Variants in TBC1D2B observed in about 807,000 individuals in gnomAD.
TBC1D2B encodes the protein TBC1 domain family member 2B, also known as TBC1 domain family, member 2B.
TBC1D2B carries 64 observed loss-of-function variants against 100.8 expected under a neutral mutation model. That is an observed-to-expected ratio of 0.64 (90% CI 0.52 to 0.78). The LOEUF (loss-of-function observed/expected upper bound fraction) is 0.78. TBC1D2B is among the 30% of genes least tolerant of loss of function. The pLI is 0.00. For synonymous variants in TBC1D2B, 480 were observed against 479.7 expected, an observed-to-expected ratio of 1.00 and a Z score of -0.01; for missense variants, 1,052 against 1,218.4, an observed-to-expected ratio of 0.86 and a Z score of 2.03.
intron 4 of TBC1D2B, among the ~76,000 whole-genome samples, chr15:78,027,705 C>T (rs2072706495): frequency 6.6e-6 from 1 of 152,272 alleles, no homozygotes; most frequent in African/African-American, 2.4e-5. Context: ...CTCCCCAGTC[C>T]TGCTCACATT....
At chr15:78,017,312 C>T (rs1261548073) in intron 7 of TBC1D2B, 1 of 153,674 alleles carries the variant, frequency 6.5e-6, no homozygotes, top group Non-Finnish European at 1.4e-5. Flanking sequence ...TTTGTGGTCC[C>T]ATTACACTTT....
At chr15:78,042,736 C>G (rs1229292260) in intron 3 of TBC1D2B, among the ~76,000 whole-genome samples, 2 of 152,108 alleles carry the variant, frequency 1.3e-5, no homozygotes, top group African/African-American at 4.8e-5. Context: ...ACAGAATGGC[C>G]GGAACACAGA....
intron 1 of TBC1D2B, among the ~76,000 whole-genome samples, chr15:78,067,484 C>G (rs939571244): frequency 6.6e-6 from 1 of 152,224 alleles, no homozygotes; most frequent in Non-Finnish European, 1.5e-5. Flanking sequence ...CACCAGAGAG[C>G]TGGAGAGGAA....
intron 6 of TBC1D2B, among the ~76,000 whole-genome samples, chr15:78,022,937 C>T (rs1331181778): frequency 1.3e-5 from 2 of 152,096 alleles, no homozygotes; most frequent in Non-Finnish European, 2.9e-5. Flanking sequence ...ATTCATAAAT[C>T]CTCTGGGCCT....
Position 78,044,927 on chromosome 15 carries a change from G to C in TBC1D2B, c.656C>G (p.Ser219Cys), listed in dbSNP as rs1410988581. Residue 219 changes from serine (S) to cysteine (C), a missense_variant, in exon 3 of 13, where the codon TCT becomes TGT. Physicochemically the swap from Ser to Cys is moderately radical, Grantham distance 112. Around this residue, in one of 4 missense-constraint regions of TBC1D2B, gnomAD observed 627 missense variants for 646.1 expected, o/e 0.97. Coordinates refer to ENST00000300584, the MANE Select transcript of TBC1D2B (RefSeq NM_144572.2). ...PGHPNSINFY[S>C]LKQWGNELKN... ...GAGCTCATTGCCCCACTGTTTCAAA[G>C]AGTAAAAATTAATGGAATTTGGATG... 1.2e-6 allele frequency: 2 copies of C among 1,612,910 alleles called. No homozygotes were observed. The highest frequency in any genetic ancestry group is 1.7e-6 in the Non-Finnish European group (2 of 1,179,344).
chr15:78,049,068 T>C (rs1169019449), intron 2 of TBC1D2B, among the ~76,000 whole-genome samples: 1 of 152,200 alleles, frequency 6.6e-6, no homozygotes, highest in Admixed American at 6.5e-5. Flanking sequence ...TTTTTATTTA[T>C]CAATGTGAGT....
In TBC1D2B at chr15:78,054,056, A is replaced by C; in HGVS notation, c.492T>G (p.Gly164=). The C allele has an allele frequency of 6.2e-7, 1 of 1,613,290 alleles. No individual in the cohort carries two copies. Among genetic ancestry groups the C allele is most frequent in the Non-Finnish European group, 8.5e-7 (1 of 1,179,630 alleles). Residue 164 remains glycine (G), a synonymous_variant, in exon 2 of 13, where the codon GGT becomes GGG. Transcript: ENST00000300584. ...TSPTPGDFPK[G]LVARDNTDLI... ...TACCAGTGTTATCTCTGGCTACAAG[A>C]CCCTTAGGAAAATCCCCGGGAGTTG...
intron 6 of TBC1D2B, among the ~76,000 whole-genome samples, 185 bp from the exon 7 acceptor site, chr15:78,018,142 T>C (rs1299793027): frequency 6.6e-6 from 1 of 152,242 alleles, no homozygotes; most frequent in Non-Finnish European, 1.5e-5. Flanking sequence ...TTTACAGTAG[T>C]AGAAGGCAGG....
In TBC1D2B at chr15:78,003,346, G is replaced by C; in HGVS notation, c.2533C>G (p.Leu845Val). ...AGGAAAGAGTCCCATATTTTAAAGA[G>C]GATGTCACTAACGACACTATCCACA... is the stretch of plus-strand genomic sequence containing the variant. ...VFVDSVVSDI[L>V]FKIWDSFLYE... is the part of the protein sequence containing the mutation. The change falls in exon 11 of 13, where the codon CTC (leucine) becomes GTC (valine). Residue 845 changes from leucine (L) to valine (V), a missense_variant. Coordinates refer to ENST00000300584, the MANE Select transcript of TBC1D2B (RefSeq NM_144572.2). The C allele has an allele frequency of 6.2e-7, 1 of 1,613,858 alleles. No homozygotes were observed. Among genetic ancestry groups the C allele is most frequent in the Non-Finnish European group, 8.5e-7 (1 of 1,179,854 alleles).
chr15:78,048,521 T>A (rs892152736), intron 2 of TBC1D2B, among the ~76,000 whole-genome samples: 1 of 152,256 alleles, frequency 6.6e-6, no homozygotes, highest in Non-Finnish European at 1.5e-5. Context: ...AAAGAAAGTC[T>A]GTGCCTGACG....
At chr15:78,018,880 G>A (rs1049435970) in intron 6 of TBC1D2B, among the ~76,000 whole-genome samples, 3 of 152,146 alleles carry the variant, frequency 2.0e-5, no homozygotes, top group Non-Finnish European at 2.9e-5. Flanking sequence ...AATCACCTCT[G>A]AGCAGTGACT....
At chr15:78,070,866 A>G (rs1486182137) in intron 1 of TBC1D2B, among the ~76,000 whole-genome samples, 3 of 152,154 alleles carry the variant, frequency 2.0e-5, no homozygotes, top group Non-Finnish European at 4.4e-5. Flanking sequence ...CTTGTCGCCC[A>G]GGCTGGAGTG....
At position 78,062,115 on chromosome 15, in the gene TBC1D2B, C is replaced by G. The variant is rs532673794; in HGVS notation, c.361-7928G>C. ...ACTGTAAGCCCCGGAGCTGCTTCTC[C>G]CACGGGCAACCCTGCAAGCCGTCTC... On this transcript the variant is annotated intron_variant, in intron 1 of 12. Transcript: ENST00000300584. Among the ~76,000 whole-genome samples, 7 of 152,314 alleles carry G rather than the reference C, an allele frequency of 4.6e-5. No homozygotes were observed. The East Asian group carries it at 1.3e-3, about 29-fold the overall frequency.
chr15:78,011,735 GC>G (rs2072236297), intron 9 of TBC1D2B, among the ~76,000 whole-genome samples: 1 of 147,804 alleles, frequency 6.8e-6, no homozygotes, highest in Non-Finnish European at 1.5e-5. Context: ...TGCAACATCT[GC>G]CTCCCGGGTT....
intron 2 of TBC1D2B, among the ~76,000 whole-genome samples, chr15:78,047,312 T>C (rs2073218045): frequency 1.3e-5 from 2 of 152,090 alleles, no homozygotes; most frequent in Non-Finnish European, 1.5e-5. Context: ...TTTACTATCA[T>C]GTATTAAGCA....
rs2049650478 is a variant in TBC1D2B, at chr15:78,012,847, A to G, written c.2246T>C (p.Ile749Thr). 1 of 1,514,076 alleles carries G rather than the reference A, an allele frequency of 6.6e-7. No individual in the cohort carries two copies. Among genetic ancestry groups the G allele is most frequent in the Non-Finnish European group, 8.8e-7 (1 of 1,132,102 alleles). 93.8% of individuals were successfully genotyped at this position (1,514,076 alleles called of 1,614,324 possible). ...CCTGTTTAGGCCTTGACAGTAGCCG[A>G]TATCTGGATTCCGCCAGGAGAAGGC... ...LLAFSWRNPD[I>T]GYCQGLNRLV... The change falls in exon 9 of 13, where the codon ATC becomes ACC. Residue 749 changes from isoleucine (I) to threonine (T), a missense_variant. This residue lies in a region of TBC1D2B where 373 missense variants were observed against 464.9 expected (regional missense o/e 0.80). Coordinates refer to ENST00000300584, the MANE Select transcript of TBC1D2B (RefSeq NM_144572.2).
In TBC1D2B at chr15:78,057,900, G is replaced by A. The variant is rs118100464; in HGVS notation, c.361-3713C>T. Among the ~76,000 whole-genome samples the A allele has an allele frequency of 9.1e-3, 1,392 of 152,290 alleles. 8 individuals are homozygous for A. Among genetic ancestry groups the A allele is most frequent in the Middle Eastern group, 0.02 (6 of 294 alleles). On this transcript the variant is annotated intron_variant, in intron 1 of 12. Transcript: ENST00000300584. ...AAAAAGCCTCTGCGTTTTTTATCTG[G>A]TATCTTTTAGCAAAGGACTAAATGG...
intron 1 of TBC1D2B, among the ~76,000 whole-genome samples, chr15:78,062,639 A>G (rs2073571520): frequency 6.6e-6 from 1 of 152,232 alleles, no homozygotes; most frequent in Non-Finnish European, 1.5e-5. Context: ...CCATAAATGT[A>G]TAGAAAATTC....
chr15:78,056,326 G>C (rs2073420943), intron 1 of TBC1D2B, among the ~76,000 whole-genome samples: 1 of 152,164 alleles, frequency 6.6e-6, no homozygotes, highest in South Asian at 2.1e-4. Context: ...GGCCCTGAAG[G>C]GACTTGTGTG....
Sources: allele counts gnomAD v4.1 joint callset (sites outside exome capture counted in the v4.1 genomes callset), GRCh38; gene constraint gnomAD v4.1.1; regional missense constraint gnomAD v4.1.1; transcripts MANE v1.5; gene names NCBI Gene and HGNC (gene_info 2026-07-23, HGNC 2026-07-21).